Variants in ARHGAP18 observed in about 807,000 individuals in gnomAD.
ARHGAP18 encodes the protein rho GTPase-activating protein 18.
Under a neutral mutation model 86.2 loss-of-function variants are expected in ARHGAP18, and 67 were observed. The ratio of observed to expected loss-of-function variants is 0.78; its 90% CI spans 0.64 to 0.95. The LOEUF is 0.95. ARHGAP18 is among the 40% of genes least tolerant of loss of function. ARHGAP18 has a pLI of 0.00. For missense variants in ARHGAP18, 691 were observed against 780.4 expected, an observed-to-expected ratio of 0.89 and a Z score of 1.37; for synonymous variants, 283 against 280.4, an observed-to-expected ratio of 1.01 and a Z score of -0.09.
At chr6:129,624,614 T>C (rs1789301665) in intron 5 of ARHGAP18, among the ~76,000 whole-genome samples, 1 of 151,588 alleles carries the variant, frequency 6.6e-6, no homozygotes, top group Admixed American at 6.6e-5. Flanking sequence ...GCATACTCTT[T>C]TACTTTTCCC....
At chr6:129,636,349 A>G (rs932143518) in intron 3 of ARHGAP18, among the ~76,000 whole-genome samples, 1 of 152,236 alleles carries the variant, frequency 6.6e-6, no homozygotes, top group Non-Finnish European at 1.5e-5. Flanking sequence ...AAAGCAAAAG[A>G]GTGTCTACAT....
At chr6:129,683,617 G>C (rs1238358988) in intron 1 of ARHGAP18, among the ~76,000 whole-genome samples, 1 of 152,138 alleles carries the variant, frequency 6.6e-6, no homozygotes, top group African/African-American at 2.4e-5. Context: ...ATGATAACAA[G>C]TCAGAGAAGA....
intron 1 of ARHGAP18, among the ~76,000 whole-genome samples, chr6:129,698,523 T>C: frequency 6.8e-6 from 1 of 146,894 alleles, no homozygotes; most frequent in South Asian, 2.2e-4. Flanking sequence ...AGCAGCATGG[T>C]GTTAAAGCAC....
intron 1 of ARHGAP18, among the ~76,000 whole-genome samples, chr6:129,691,853 A>G (rs147862333): frequency 6.3e-4 from 96 of 152,298 alleles, no homozygotes; most frequent in Middle Eastern, 3.4e-3. Flanking sequence ...AGGAAGTGCT[A>G]TGTCCATGCA....
At chr6:129,627,607 G>A (rs1789507709) in intron 5 of ARHGAP18, among the ~76,000 whole-genome samples, 2 of 151,338 alleles carry the variant, frequency 1.3e-5, no homozygotes, top group South Asian at 4.2e-4. Flanking sequence ...AAATTAATGA[G>A]GAGGGAGGAA....
At chr6:129,650,805 G>T (rs1773695166) in intron 1 of ARHGAP18, among the ~76,000 whole-genome samples, 1 of 152,112 alleles carries the variant, frequency 6.6e-6, no homozygotes, top group Non-Finnish European at 1.5e-5. Context: ...AACACCAGTA[G>T]CTACCTTGCA....
chr6:129,592,892 C>T (rs1788545256), intron 12 of ARHGAP18, among the ~76,000 whole-genome samples: 1 of 152,072 alleles, frequency 6.6e-6, no homozygotes, highest in East Asian at 1.9e-4. Context: ...ATGTGGGAGA[C>T]AGGATGCAAC....
At chr6:129,658,271 A>C (rs1773879878) in intron 1 of ARHGAP18, among the ~76,000 whole-genome samples, 1 of 152,232 alleles carries the variant, frequency 6.6e-6, no homozygotes, top group South Asian at 2.1e-4. Flanking sequence ...TGGAAGTGGC[A>C]AGCAAGGACC....
At chr6:129,661,842 C>T (rs1454806258) in intron 1 of ARHGAP18, 2 of 984,880 alleles carry the variant, frequency 2.0e-6, no homozygotes, top group Non-Finnish European at 2.4e-6. Flanking sequence ...CCCACCAGCT[C>T]ACCCAGCGAA....
intron 1 of ARHGAP18, among the ~76,000 whole-genome samples, chr6:129,708,684 T>A (rs1774845810): frequency 6.6e-6 from 1 of 152,224 alleles, no homozygotes; most frequent in South Asian, 2.1e-4. Flanking sequence ...CCTGAGCTTG[T>A]ATAATTTTGG....
At chr6:129,661,309 TAA>T (rs11370799) in intron 1 of ARHGAP18, among the ~76,000 whole-genome samples, 3 of 111,228 alleles carry the variant, frequency 2.7e-5, no homozygotes, top group South Asian at 3.2e-4. Context: ...GCAAGAATCT[TAA>T]AAAAAAAAAA....
chr6:129,683,351 G>A lies in ARHGAP18; in HGVS notation c.113+26673C>T, dbSNP rs1019491092. On this transcript the variant is annotated intron_variant, in intron 1 of 14. Coordinates refer to ENST00000368149, the MANE Select transcript of ARHGAP18 (RefSeq NM_033515.3). ...CTCCCAAAGTGCTGGGATTACAGGC[G>A]TGAGCCACCACGCCCGGCCTTGTTT... 3.3e-5 allele frequency among the ~76,000 whole-genome samples: 5 copies of A among 151,804 alleles called. No homozygotes were observed. The East Asian group carries it at 5.8e-4, about 18-fold the overall frequency.
At chr6:129,594,191 T>C (rs1788571889) in intron 12 of ARHGAP18, among the ~76,000 whole-genome samples, 1 of 152,138 alleles carries the variant, frequency 6.6e-6, no homozygotes, top group African/African-American at 2.4e-5. Context: ...CAATCTAGCT[T>C]TTTCCATAAA....
At chr6:129,674,650 G>A (rs1408829550) in intron 1 of ARHGAP18, among the ~76,000 whole-genome samples, 1 of 152,202 alleles carries the variant, frequency 6.6e-6, no homozygotes, top group Non-Finnish European at 1.5e-5. Flanking sequence ...ATAATCTAGA[G>A]ATGATCTAAA....
chr6:129,648,411 G>A (rs1041525739), intron 1 of ARHGAP18, among the ~76,000 whole-genome samples: 1 of 151,678 alleles, frequency 6.6e-6, no homozygotes, highest in Non-Finnish European at 1.5e-5. Flanking sequence ...CAATCCTCCT[G>A]TCTTAGCCTC....
In ARHGAP18 at chr6:129,630,283, T is replaced by A. The variant is rs1257856900; in HGVS notation, c.617-761A>T. Among the ~76,000 whole-genome samples, 4 of 152,184 alleles carry A rather than the reference T, an allele frequency of 2.6e-5. No individual in the cohort carries two copies. In the East Asian group the frequency reaches 7.7e-4, roughly 29 times the overall value. On this transcript the variant is annotated intron_variant, in intron 4 of 14. Coordinates refer to ENST00000368149, the MANE Select transcript of ARHGAP18 (RefSeq NM_033515.3). ...CCAGAAAGGAATTTACATTTAAAAA[T>A]CTCTTTGCTGAAAACACCAGGTTTA...
At chr6:129,587,020 G>T (rs907162102) in intron 12 of ARHGAP18, among the ~76,000 whole-genome samples, 1 of 152,038 alleles carries the variant, frequency 6.6e-6, no homozygotes, top group Non-Finnish European at 1.5e-5. Context: ...CTGGTTGTAT[G>T]CCACATATCT....
intron 1 of ARHGAP18, among the ~76,000 whole-genome samples, chr6:129,657,445 AC>A (rs1288372014): frequency 4.0e-5 from 6 of 151,656 alleles, no homozygotes; most frequent in African/African-American, 7.3e-5. Flanking sequence ...AAAAAAAAAA[AC>A]AACTTAATAC....
intron 1 of ARHGAP18, among the ~76,000 whole-genome samples, chr6:129,709,349 C>T (rs1026425478): frequency 6.6e-6 from 1 of 152,112 alleles, no homozygotes; most frequent in Non-Finnish European, 1.5e-5. Flanking sequence ...GTACCCTTTG[C>T]GCCTCAGTGG....
Sources: allele counts gnomAD v4.1 joint callset (sites outside exome capture counted in the v4.1 genomes callset), GRCh38; gene constraint gnomAD v4.1.1; transcripts MANE v1.5; gene names NCBI Gene and HGNC (gene_info 2026-07-23, HGNC 2026-07-21).